SOAT2: variants seen among roughly 807,000 people sequenced by gnomAD.
SOAT2 encodes ACAT-2.
Under a neutral mutation model 76.0 loss-of-function variants are expected in SOAT2, and 87 were observed. The observed-to-expected ratio is 1.14, with a 90% CI of 0.96 to 1.37. The LOEUF is 1.37. Ranked by LOEUF, SOAT2 falls within the 40% of genes most tolerant of loss-of-function variation. The pLI, the probability that SOAT2 is intolerant of heterozygous loss-of-function variation, is 0.00. For synonymous variants in SOAT2, 285 were observed against 275.4 expected, an observed-to-expected ratio of 1.03 and a Z score of -0.34; for missense variants, 686 against 682.1, an observed-to-expected ratio of 1.01 and a Z score of -0.06.
intron 5 of SOAT2, 47 bp downstream of exon 5, chr12:53,106,061 C>A: frequency 7.3e-7 from 1 of 1,377,968 alleles, no homozygotes; most frequent in Non-Finnish European, 1.0e-6. Context: ...CTGATCAGAC[C>A]CTCTGGGTCC....
rs753718174 is a variant in SOAT2, at chr12:53,119,165, CCT to C, written c.954_955del (p.Val320SerfsTer80). 5.0e-6 allele frequency: 8 copies of C among 1,613,916 alleles called. No homozygotes were observed. The South Asian group carries it at 6.6e-5, about 13-fold the overall frequency. On this transcript the variant is annotated frameshift_variant, in exon 10 of 15. Transcript: ENST00000301466. LOFTEE classifies it high-confidence loss of function. ...VLYACFILGR[L>X]CVPVFANMSR... The stretch of plus-strand genomic sequence containing the variant: ...TCTATGCCTGCTTCATCCTGGGCCG[CCT>C]CTGTGTTCCTGTCTTTGCCAACATG...
intron 12 of SOAT2, among the ~76,000 whole-genome samples, chr12:53,122,204 C>A (rs1592280304): frequency 7.8e-6 from 1 of 128,372 alleles, no homozygotes; most frequent in African/African-American, 3.4e-5. Flanking sequence ...AAGGTGGGGG[C>A]TCTTTTTTTT....
At position 53,119,113 on chromosome 12, in the gene SOAT2, G is replaced by T. The variant is rs4151119; in HGVS notation, c.910-11G>T. ...TCCCTCTCCAGTTATGTGTCCCCAT[G>T]CCCCCTCCAGGCCCTGGGATGTGTG... On this transcript the variant is annotated splice_polypyrimidine_tract_variant and intron_variant, in intron 9 of 14. Coordinates refer to ENST00000301466, the MANE Select transcript of SOAT2 (RefSeq NM_003578.4). 1.2e-6 allele frequency: 2 copies of T among 1,613,842 alleles called. No individual in the cohort carries two copies. The highest frequency in any genetic ancestry group is 1.1e-5 in the South Asian group (1 of 91,066).
chr12:53,124,056 ATTC>A lies in SOAT2; in HGVS notation c.1519-12_1519-10del, dbSNP rs1378379906. On this transcript the variant is annotated splice_polypyrimidine_tract_variant and intron_variant, in intron 14 of 14. Coordinates refer to ENST00000301466, the MANE Select transcript of SOAT2 (RefSeq NM_003578.4). ...CCAGGAATGATCTCATTCACGACTT[ATTC>A]TTCTCTGGCTCAGGCAACTTTCTGG... The A allele has an allele frequency of 6.2e-7, 1 of 1,613,986 alleles. No individual in the cohort carries two copies. Among genetic ancestry groups the A allele is most frequent in the Non-Finnish European group, 8.5e-7 (1 of 1,180,000 alleles).
intron 7 of SOAT2, 97 bp from the exon 8 acceptor site, chr12:53,118,244 CTATCCATTT>C: frequency 1.9e-6 from 1 of 522,870 alleles, no homozygotes; most frequent in Non-Finnish European, 3.5e-6. Context: ...CACCCCCACC[CTATCCATTT>C]CTCCACTCAC....
At chr12:53,121,031 A>C in intron 11 of SOAT2, 148 bp downstream of exon 11, 2 of 698,964 alleles carry the variant, frequency 2.9e-6, no homozygotes, top group Non-Finnish European at 5.1e-6. Context: ...TGTGCTTATA[A>C]TGCCACCCCT....
chr12:53,123,861 C>T lies in SOAT2; in HGVS notation c.1506C>T (p.Cys502=), dbSNP rs1174487484. The T allele has an allele frequency of 2.5e-6, 4 of 1,613,982 alleles. No individual in the cohort carries two copies. The highest frequency in any genetic ancestry group is 2.5e-6 in the Non-Finnish European group (3 of 1,180,020). Residue 502 remains cysteine (C), a synonymous_variant, in exon 14 of 15, where the codon TGC becomes TGT. Coordinates refer to ENST00000301466, the MANE Select transcript of SOAT2 (RefSeq NM_003578.4). ...AGGAGTGGTACGCACGGCGGCACTG[C>T]CCCTTACCCCAGGTAAGAGACCACA... ...YCQEWYARRH[C]PLPQATFWGL... is the part of the protein sequence containing the mutation.
At chr12:53,112,984 G>A (rs759157992) in intron 5 of SOAT2, among the ~76,000 whole-genome samples, 3 of 38,258 alleles carry the variant, frequency 7.8e-5, no homozygotes, top group Non-Finnish European at 1.4e-4. Context: ...ATCTTGGCCA[G>A]GCTGGTCTCA....
chr12:53,104,770 T>C (rs1937902699), intron 2 of SOAT2, among the ~76,000 whole-genome samples: 1 of 152,052 alleles, frequency 6.6e-6, no homozygotes, highest in African/African-American at 2.4e-5. Context: ...GGGGAAGCCT[T>C]GCTCCTGCTG....
At position 53,115,498 on chromosome 12, in the gene SOAT2, C is replaced by T. The variant is rs1235642287; in HGVS notation, c.552C>T (p.Ala184=). 3 of 1,609,912 alleles carry T rather than the reference C, an allele frequency of 1.9e-6. No homozygotes were observed. The highest frequency in any genetic ancestry group is 2.2e-5 in the East Asian group (1 of 44,880). Reference sequence around the variant, plus strand: ...CCACCCTGTTGGCGCCGTACCAGGCCCTACGGCTGTGGGCCAGGGGCACCT... The same window carrying T: ...CCACCCTGTTGGCGCCGTACCAGGCTCTACGGCTGTGGGCCAGGGGCACCT... The part of the protein sequence containing the change: ...FLSTLLAPYQ[A]LRLWARGTWT... Residue 184 remains alanine, a synonymous_variant, in exon 6 of 15, where the codon GCC becomes GCT. Transcript: ENST00000301466.
At chr12:53,115,686 G>A (rs761417677) in intron 6 of SOAT2, 32 bp downstream of exon 6, 21 of 1,480,404 alleles carry the variant, frequency 1.4e-5, no homozygotes, top group Non-Finnish European at 1.7e-5. Context: ...CGGACAGGAA[G>A]GAACCAGCTG....
At chr12:53,118,728 T>C (rs1191619729) in intron 8 of SOAT2, among the ~76,000 whole-genome samples, 162 bp from the exon 9 acceptor site, 1 of 152,010 alleles carries the variant, frequency 6.6e-6, no homozygotes, top group Non-Finnish European at 1.5e-5. Context: ...TTATCTCTGT[T>C]ATGGAAAGTT....
At chr12:53,118,741 G>C (rs1029648856) in intron 8 of SOAT2, 149 bp from the exon 9 acceptor site, 10 of 796,002 alleles carry the variant, frequency 1.3e-5, no homozygotes, top group Non-Finnish European at 1.9e-5. Context: ...GGAAAGTTCA[G>C]AGTATCCTAG....
intron 7 of SOAT2, among the ~76,000 whole-genome samples, chr12:53,117,508 T>G (rs1938124460): frequency 6.6e-6 from 1 of 151,908 alleles, no homozygotes; most frequent in Admixed American, 6.6e-5. Flanking sequence ...ACACACAGAA[T>G]TTGTCAGTTA....
intron 12 of SOAT2, among the ~76,000 whole-genome samples, chr12:53,122,339 C>CT (rs754700101): frequency 0.01 from 1,392 of 139,030 alleles, 16 homozygotes; most frequent in African/African-American, 0.028. Flanking sequence ...CCCAAACTAC[C>CT]TTTTTTTTTT....
rs9658627 is a variant in SOAT2, at chr12:53,103,938, T to C, written c.83-213T>C. On this transcript the variant is annotated intron_variant, in intron 1 of 14. Transcript: ENST00000301466. ...CATTCCCTGAGTGCCCTGTTCCCAG[T>C]AATGTCACCAGGCCCCCTGCTTGCC... is the stretch of plus-strand genomic sequence containing the variant. Among the ~76,000 whole-genome samples, 14 of 152,280 alleles carry C rather than the reference T, an allele frequency of 9.2e-5. No homozygotes were observed. The East Asian group carries it at 2.5e-3, about 27-fold the overall frequency.
rs1207832327 is a variant in SOAT2, at chr12:53,107,519, T to A, written c.443+1505T>A. The stretch of plus-strand genomic sequence containing the variant: ...AAAGAGGAAAAAATTGAAAACATTA[T>A]TTTGGAGACCTGTAGCCAGAAAAGT... On this transcript the variant is annotated intron_variant, in intron 5 of 14. Transcript: ENST00000301466. Among the ~76,000 whole-genome samples the A allele has an allele frequency of 6.6e-5, 10 of 151,140 alleles. No individual in the cohort carries two copies. The Admixed American group carries it at 6.6e-4, about 10-fold the overall frequency.
At chr12:53,111,580 C>T (rs1266190254) in intron 5 of SOAT2, among the ~76,000 whole-genome samples, 1 of 152,210 alleles carries the variant, frequency 6.6e-6, no homozygotes, top group African/African-American at 2.4e-5. Context: ...TTAAAAATGA[C>T]ATGAGCAAAG....
chr12:53,124,034 G>A, intron 14 of SOAT2, 39 bp from the exon 15 acceptor site: 3 of 1,613,032 alleles, frequency 1.9e-6, no homozygotes, highest in Non-Finnish European at 2.5e-6. Context: ...TGAGTCACCA[G>A]GAATGATCTC....
Sources: gnomAD v4.1 joint callset for allele counts (sites outside exome capture counted in the v4.1 genomes callset) on GRCh38, gnomAD v4.1.1 for gene constraint, MANE v1.5 for transcripts, NCBI Gene and HGNC (gene_info 2026-07-23, HGNC 2026-07-21) for gene names.